TBC1D4: variants seen among roughly 807,000 people sequenced by gnomAD.
TBC1D4 encodes the protein TBC (Tre-2, BUB2, CDC16) domain-containing protein.
TBC1D4 carries 121 observed loss-of-function variants against 142.5 expected under a neutral mutation model. That is an observed-to-expected ratio of 0.85 (90% CI 0.73 to 0.99). The LOEUF (loss-of-function observed/expected upper bound fraction) is 0.99, where lower values mean the gene tolerates loss of function less well. Among genes scored for constraint, TBC1D4 ranks in the 50% least tolerant of loss-of-function variants. The probability of loss-of-function intolerance (pLI) is 0.00; values close to 1 mark genes in which losing one functional copy is unlikely to be tolerated. For synonymous variants in TBC1D4, 630 were observed against 628.2 expected (o/e 1.00, Z -0.04); for missense variants, 1,475 against 1,606.6 (o/e 0.92, Z 1.40).
intron 3 of TBC1D4, among the ~76,000 whole-genome samples, chr13:75,357,605 G>C (rs1199551228): frequency 1.3e-5 from 2 of 152,174 alleles, no homozygotes; most frequent in African/African-American, 2.4e-5. Context: ...GGAGAGTCCT[G>C]AGGCAATGGC....
intron 1 of TBC1D4, among the ~76,000 whole-genome samples, chr13:75,390,109 C>G (rs544844302): frequency 1.3e-5 from 2 of 151,848 alleles, no homozygotes; most frequent in African/African-American, 4.8e-5. Flanking sequence ...AACCTCGTCT[C>G]TACTAAAAAT....
At chr13:75,356,089 G>T in intron 4 of TBC1D4, 58 bp downstream of exon 4, 1 of 1,332,052 alleles carries the variant, frequency 7.5e-7, no homozygotes, top group Non-Finnish European at 1.1e-6. Flanking sequence ...TAAGAGACAA[G>T]TCTTCTGTTC....
chr13:75,362,289 C>T lies in TBC1D4; in HGVS notation c.817G>A (p.Gly273Ser), dbSNP rs1003074536. 5.6e-6 allele frequency: 9 copies of T among 1,613,818 alleles called. No homozygotes were observed. In the East Asian group the frequency reaches 6.7e-5, roughly 12 times the overall value. The part of the protein sequence containing the change: ...PGDCLPEEAD[G>S]TDTHLGLPAG... ...GGTAAGCCAAGGTGGGTGTCGGTGCCGTCAGCCTCCTCCGGCAGGCAGTCT... is the reference window on the plus strand; with the variant it reads ...GGTAAGCCAAGGTGGGTGTCGGTGCTGTCAGCCTCCTCCGGCAGGCAGTCT... The change falls in exon 2 of 21, where the codon GGC becomes AGC. Residue 273 changes from glycine to serine, a missense_variant. By Grantham distance (56) the Gly-to-Ser change is moderately conservative. This residue lies in a region of TBC1D4 where 1,227 missense variants were observed against 1,267.7 expected (regional missense o/e 0.97). Coordinates refer to ENST00000377636, the MANE Select transcript of TBC1D4 (RefSeq NM_014832.5). This position sits in a 1 kb window ranked among gnomAD's most constrained non-coding sequence, Gnocchi z 4.2.
intron 8 of TBC1D4, among the ~76,000 whole-genome samples, chr13:75,331,771 T>C (rs1465663): frequency 0.76 from 115,192 of 151,046 alleles, 46,586 homozygotes; most frequent in South Asian, 0.95. Context: ...AATATTTTGA[T>C]GTTTAAAAAT....
chr13:75,373,890 G>A (rs963734097), intron 1 of TBC1D4, among the ~76,000 whole-genome samples: 1 of 152,032 alleles, frequency 6.6e-6, no homozygotes, highest in Non-Finnish European at 1.5e-5. Context: ...CTGGCAAAAC[G>A]ATACCAAGAG....
chr13:75,286,995 AT>A lies in TBC1D4; in HGVS notation c.3693del (p.Glu1231AspfsTer8). The A allele has an allele frequency of 6.2e-7, 1 of 1,613,492 alleles. No individual in the cohort carries two copies. Among genetic ancestry groups the A allele is most frequent in the Non-Finnish European group, 8.5e-7 (1 of 1,179,934 alleles). On this transcript the variant is annotated frameshift_variant, in exon 21 of 21. Coordinates refer to ENST00000377636, the MANE Select transcript of TBC1D4 (RefSeq NM_014832.5). LOFTEE classifies it high-confidence loss of function. Reference sequence around the variant, plus strand: ...CTCGTCAAAAGATTTTCCAGGTTTGATTCCAAGGCCTGGATTTTAGTATGAG... The same window carrying A: ...CTCGTCAAAAGATTTTCCAGGTTTGATCCAAGGCCTGGATTTTAGTATGAG... ...QVAHTKIQAL[E>X]SNLENLLTRE... is the part of the protein sequence containing the mutation.
intron 16 of TBC1D4, 43 bp from the exon 17 acceptor site, chr13:75,299,617 T>A: frequency 1.2e-6 from 2 of 1,610,786 alleles, no homozygotes; most frequent in Non-Finnish European, 1.7e-6. Context: ...AATGTCCTCA[T>A]GCCTTGGAGA....
Position 75,337,015 on chromosome 13 carries a change from T to C in TBC1D4, c.1637A>G (p.Glu546Gly). ...PSTISNSTIP[E>G]NATSSGRFKL... is the part of the protein sequence containing the mutation. The stretch of plus-strand genomic sequence containing the variant: ...GAACCTTCCACTGCTTGTTGCATTT[T>C]CTGGGATTGTACTATTTGAAATAGT... Residue 546 changes from glutamate to glycine, a missense_variant, in exon 8 of 21, where the codon GAA becomes GGA. Physicochemically the swap from Glu to Gly is moderately conservative, Grantham distance 98. This residue lies in a region of TBC1D4 where 1,227 missense variants were observed against 1,267.7 expected (regional missense o/e 0.97). Transcript: ENST00000377636. The C allele has an allele frequency of 6.2e-7, 1 of 1,613,440 alleles. No homozygotes were observed. Among genetic ancestry groups the C allele is most frequent in the Non-Finnish European group, 8.5e-7 (1 of 1,179,590 alleles).
chr13:75,358,097 C>T (rs1278921198), intron 3 of TBC1D4, among the ~76,000 whole-genome samples: 1 of 152,030 alleles, frequency 6.6e-6, no homozygotes, highest in Non-Finnish European at 1.5e-5. Flanking sequence ...TGAGGATGCC[C>T]CCTGGTGCTC....
intron 5 of TBC1D4, 57 bp from the exon 6 acceptor site, chr13:75,341,644 G>T: frequency 2.2e-6 from 3 of 1,333,702 alleles, no homozygotes; most frequent in Non-Finnish European, 3.2e-6. Context: ...AGATCCAGGG[G>T]CAGAGAATGC....
intron 1 of TBC1D4, among the ~76,000 whole-genome samples, chr13:75,462,443 T>C (rs917519325): frequency 1.3e-5 from 2 of 151,914 alleles, no homozygotes; most frequent in South Asian, 2.1e-4. Context: ...CAGAACTTTA[T>C]CTCTTACTAG....
At chr13:75,394,842 A>G (rs1294447741) in intron 1 of TBC1D4, among the ~76,000 whole-genome samples, 1 of 152,178 alleles carries the variant, frequency 6.6e-6, no homozygotes, top group African/African-American at 2.4e-5. Flanking sequence ...AAGGGAAACA[A>G]CAGGAACAGA....
rs74840993 is a variant in TBC1D4 at position 75,421,011 on chromosome 13, G to A, written c.499-58404C>T. Among the ~76,000 whole-genome samples the A allele has an allele frequency of 1.5e-3, 234 of 152,246 alleles. 1 individual carries two copies. The highest frequency in any genetic ancestry group is 4.5e-3 in the African/African-American group (186 of 41,572). On this transcript the variant is annotated intron_variant, in intron 1 of 20. Transcript: ENST00000377636. ...ACACTGGAAAGTCAAAAGCAGAGAC[G>A]AATAAAAACATCACTCTTTGCTTAA...
intron 12 of TBC1D4, among the ~76,000 whole-genome samples, chr13:75,315,353 T>A (rs990992822): frequency 1.8e-5 from 2 of 108,128 alleles, no homozygotes; most frequent in Non-Finnish European, 3.5e-5. Context: ...GAATATTGAA[T>A]ATATATATAT....
At chr13:75,342,128 C>G (rs989290438) in intron 5 of TBC1D4, among the ~76,000 whole-genome samples, 1 of 152,130 alleles carries the variant, frequency 6.6e-6, no homozygotes, top group Non-Finnish European at 1.5e-5. Flanking sequence ...ACATGGGAGG[C>G]AGAGGTTGCA....
intron 12 of TBC1D4, among the ~76,000 whole-genome samples, chr13:75,313,562 C>A (rs1290837954): frequency 6.6e-6 from 1 of 152,148 alleles, no homozygotes; most frequent in Non-Finnish European, 1.5e-5. Context: ...CATTTTTTCA[C>A]CCAGGCTGGA....
chr13:75,303,901 A>G (rs1876866060), intron 15 of TBC1D4, among the ~76,000 whole-genome samples: 1 of 152,100 alleles, frequency 6.6e-6, no homozygotes, highest in South Asian at 2.1e-4. Flanking sequence ...TTCCCATTGT[A>G]CGTCTATTCA....
At chr13:75,292,350 T>G in intron 18 of TBC1D4, 79 bp from the exon 19 acceptor site, 1 of 1,248,446 alleles carries the variant, frequency 8.0e-7, no homozygotes, top group South Asian at 1.4e-5. Flanking sequence ...TGCTAAAGGT[T>G]TTTGTTTACT....
Position 75,465,275 on chromosome 13 carries a change from T to C in TBC1D4, c.498+15995A>G, listed in dbSNP as rs534485749. ...CCCACTCCTCTGCAAAATTTTAAGA[T>C]ACATGAAGCAGTGAATGCATTTGCT... On this transcript the variant is annotated intron_variant, in intron 1 of 20. Coordinates refer to ENST00000377636, the MANE Select transcript of TBC1D4 (RefSeq NM_014832.5). Among the ~76,000 whole-genome samples, 10 of 152,268 alleles carry C rather than the reference T, an allele frequency of 6.6e-5. No individual in the cohort carries two copies. In the East Asian group the frequency reaches 1.2e-3, roughly 18 times the overall value.
Sources: gnomAD v4.1 joint callset for allele counts (sites outside exome capture counted in the v4.1 genomes callset) on GRCh38, gnomAD v4.1.1 for gene constraint, gnomAD v4.1.1 regional missense constraint, Gnocchi (gnomAD v3.1) non-coding constraint, MANE v1.5 for transcripts, NCBI Gene and HGNC (gene_info 2026-07-23, HGNC 2026-07-21) for gene names.